Variants in CSMD2 observed in about 807,000 individuals in gnomAD.
CSMD2 encodes CUB and sushi domain-containing protein 2.
A neutral mutation model predicts 398.5 loss-of-function variants in CSMD2; 130 were observed. That is an observed-to-expected ratio of 0.33 (90% CI 0.28 to 0.38). CSMD2 has a LOEUF of 0.38. Ranked by LOEUF, CSMD2 falls within the 10% of genes least tolerant of loss-of-function variation. The probability of loss-of-function intolerance (pLI) is 1.00; values close to 1 mark genes in which losing one functional copy is unlikely to be tolerated. For missense variants in CSMD2, 3,829 were observed against 4,764.9 expected (o/e 0.80, Z 5.78); for synonymous variants, 1,828 against 1,908.5 (o/e 0.96, Z 1.10).
At chr1:33,621,357 C>A (rs750992299) in intron 37 of CSMD2, among the ~76,000 whole-genome samples, 1 of 152,148 alleles carries the variant, frequency 6.6e-6, no homozygotes, top group African/African-American at 2.4e-5. Context: ...TCCCTTGAAC[C>A]ATTTCTCTAC....
At chr1:33,517,463 TAC>T (rs1653869207) in intron 70 of CSMD2, among the ~76,000 whole-genome samples, 1 of 152,240 alleles carries the variant, frequency 6.6e-6, no homozygotes, top group South Asian at 2.1e-4. Context: ...GTTTCTTTCT[TAC>T]ACTGTTCAAT....
intron 2 of CSMD2, among the ~76,000 whole-genome samples, chr1:34,060,382 C>T (rs183753814): frequency 6.6e-6 from 1 of 152,180 alleles, no homozygotes; most frequent in African/African-American, 2.4e-5. Context: ...TCTTCATTTT[C>T]CAAGTTTTCT....
At chr1:33,803,137 C>T (rs1280880311) in intron 10 of CSMD2, among the ~76,000 whole-genome samples, 4 of 152,188 alleles carry the variant, frequency 2.6e-5, no homozygotes, top group African/African-American at 9.6e-5. Context: ...GAAACTCTTC[C>T]TGTGTTTGCA....
intron 5 of CSMD2, among the ~76,000 whole-genome samples, chr1:33,871,659 C>T (rs1313107266): frequency 6.6e-6 from 1 of 152,152 alleles, no homozygotes; most frequent in Non-Finnish European, 1.5e-5. Context: ...CTCTGTTGCC[C>T]AGGCTGGAGT....
chr1:33,994,936 T>C (rs1646678586), intron 3 of CSMD2, among the ~76,000 whole-genome samples: 1 of 151,920 alleles, frequency 6.6e-6, no homozygotes, highest in Non-Finnish European at 1.5e-5. Context: ...TGGTGGTGCA[T>C]GTCTGTAATC....
intron 3 of CSMD2, among the ~76,000 whole-genome samples, chr1:34,013,408 C>T (rs564919394): frequency 8.5e-5 from 13 of 152,278 alleles, no homozygotes; most frequent in African/African-American, 2.2e-4. Flanking sequence ...CTCTCAGGAC[C>T]GCGGGGTAGA....
chr1:33,588,315 G>C (rs902371530), intron 44 of CSMD2, among the ~76,000 whole-genome samples: 1 of 151,986 alleles, frequency 6.6e-6, no homozygotes, highest in African/African-American at 2.4e-5. Context: ...TAACCATTTA[G>C]GTTTCCAAAG....
chr1:33,552,345 G>A (rs1383365877), intron 55 of CSMD2, among the ~76,000 whole-genome samples: 1 of 152,186 alleles, frequency 6.6e-6, no homozygotes, highest in Non-Finnish European at 1.5e-5. Flanking sequence ...AAACAGTTTG[G>A]CAGTTCCTCA....
intron 29 of CSMD2, among the ~76,000 whole-genome samples, chr1:33,641,473 C>T (rs1643104653): frequency 6.6e-6 from 1 of 152,272 alleles, no homozygotes; most frequent in African/African-American, 2.4e-5. Flanking sequence ...CATAAACCTC[C>T]CTGTGACTCC....
chr1:33,972,098 G>A (rs903258152), intron 3 of CSMD2, among the ~76,000 whole-genome samples: 4 of 152,154 alleles, frequency 2.6e-5, no homozygotes, highest in African/African-American at 9.7e-5. Flanking sequence ...CGCGGGAGTA[G>A]GTGGTGGGAA....
intron 6 of CSMD2, among the ~76,000 whole-genome samples, chr1:33,832,743 T>G (rs78107266): frequency 1.3e-5 from 2 of 150,050 alleles, no homozygotes; most frequent in African/African-American, 4.9e-5. Context: ...ACAAAATTGA[T>G]AGACCGCTAG....
rs766618786 is a variant in CSMD2 at position 33,635,208 on chromosome 1, C to T, written c.5086+6G>A. On this transcript the variant is annotated splice_donor_region_variant and intron_variant, in intron 31 of 70. Transcript: ENST00000373381. The surrounding 1 kb of genome is among the most constrained non-coding windows in gnomAD (Gnocchi z 5.0). ...ACATATGAACAACAACAACCAAAAC[C>T]CATACCATAGTCCTTGGGCACAGTA... 152 of 1,574,704 alleles carry T rather than the reference C, an allele frequency of 9.7e-5. No individual in the cohort carries two copies. The highest frequency in any genetic ancestry group is 1.3e-4 in the Non-Finnish European group (148 of 1,145,602).
intron 44 of CSMD2, among the ~76,000 whole-genome samples, chr1:33,598,492 A>G (rs1396520998): frequency 2.6e-5 from 4 of 152,020 alleles, no homozygotes; most frequent in African/African-American, 7.3e-5. Context: ...ATTACCATAG[A>G]CTGGGTGACT....
intron 22 of CSMD2, among the ~76,000 whole-genome samples, chr1:33,701,983 C>T (rs1645627311): frequency 6.6e-6 from 1 of 152,104 alleles, no homozygotes. Context: ...AGTTATCTTG[C>T]CCAAAAAATC....
At position 33,519,563 on chromosome 1, in the gene CSMD2, G is replaced by A; in HGVS notation, c.10851C>T (p.Ala3617=). 6.2e-7 allele frequency: 1 copy of A among 1,614,094 alleles called. No homozygotes were observed. The highest frequency in any genetic ancestry group is 8.5e-7 in the Non-Finnish European group (1 of 1,180,030). The stretch of plus-strand genomic sequence containing the variant: ...TGCTGACTGTGAACTCCGCCTCGCT[G>A]GCCATGATGTCTGTGGGCTGGATGT... ...DRNIQPTDIM[A]SEAEFTVSTV... The change falls in exon 70 of 71, where the codon GCC becomes GCT. Residue 3617 remains alanine (A), a synonymous_variant. Coordinates refer to ENST00000373381, the MANE Select transcript of CSMD2 (RefSeq NM_001281956.2). This position sits in a 1 kb window ranked among gnomAD's most constrained non-coding sequence, Gnocchi z 5.6.
At chr1:34,091,865 G>A (rs1423604634) in intron 1 of CSMD2, among the ~76,000 whole-genome samples, 2 of 152,070 alleles carry the variant, frequency 1.3e-5, no homozygotes, top group African/African-American at 2.4e-5. Flanking sequence ...CATCACCTCT[G>A]GGATTTCACG....
At chr1:34,073,711 G>A (rs1655993004) in intron 2 of CSMD2, among the ~76,000 whole-genome samples, 1 of 152,234 alleles carries the variant, frequency 6.6e-6, no homozygotes, top group African/African-American at 2.4e-5. Context: ...AAGGCATTTT[G>A]GTATAGTGGG....
chr1:33,702,859 G>A (rs1350340320), intron 22 of CSMD2, among the ~76,000 whole-genome samples: 1 of 151,980 alleles, frequency 6.6e-6, no homozygotes, highest in African/African-American at 2.4e-5. Flanking sequence ...AATCTACCTG[G>A]AATTTATTTT....
At chr1:33,873,045 G>A (rs947278373) in intron 5 of CSMD2, among the ~76,000 whole-genome samples, 6 of 151,656 alleles carry the variant, frequency 4.0e-5, no homozygotes, top group African/African-American at 1.5e-4. Flanking sequence ...TGTATGTTGG[G>A]CATATGGGGG....
Sources: gnomAD v4.1 joint callset for allele counts (sites outside exome capture counted in the v4.1 genomes callset) on GRCh38, gnomAD v4.1.1 for gene constraint, Gnocchi (gnomAD v3.1) non-coding constraint, MANE v1.5 for transcripts, NCBI Gene and HGNC (gene_info 2026-07-23, HGNC 2026-07-21) for gene names.